The following NOX5 variants were observed in gnomAD, a reference collection of about 807,000 sequenced individuals.
NOX5 encodes the protein NADPH oxidase 5.
Under a neutral mutation model 85.7 loss-of-function variants are expected in NOX5, and 76 were observed. That is an observed-to-expected ratio of 0.89 (90% CI 0.74 to 1.07). The LOEUF is 1.07. NOX5 is among the 50% of genes least tolerant of loss of function. The pLI is 0.00. For missense variants in NOX5, 973 were observed against 999.5 expected (o/e 0.97, Z 0.36); for synonymous variants, 405 against 401.4 (o/e 1.01, Z -0.11).
chr15:69,018,106 G>T (rs1327383238), intron 1 of NOX5, among the ~76,000 whole-genome samples: 1 of 151,956 alleles, frequency 6.6e-6, no homozygotes, highest in Admixed American at 6.6e-5. Flanking sequence ...CCATGGACCG[G>T]ACCGCACTCA....
At chr15:69,016,751 G>GCACACACACACATA (rs1567090434) in intron 1 of NOX5, among the ~76,000 whole-genome samples, 1 of 151,714 alleles carries the variant, frequency 6.6e-6, no homozygotes, top group African/African-American at 2.4e-5. Flanking sequence ...AAGCATGCAT[G>GCACACACACACATA]CACACACACA....
At chr15:69,047,296 C>A in intron 11 of NOX5, 117 bp from the exon 12 acceptor site, 7 of 1,369,444 alleles carry the variant, frequency 5.1e-6, no homozygotes, top group Non-Finnish European at 6.8e-6. Context: ...GGCTTCCAGC[C>A]CAGGAGATGT....
At position 69,042,761 on chromosome 15, in the gene NOX5, C is replaced by T; in HGVS notation, c.1603C>T (p.Leu535=). ...CCCACTGGGCCGTGGTTCTAAGAGG[C>T]TGTCGAGGAGTGTGACAATGAGAAA... ...SDPLGRGSKR[L]SRSVTMRKSQ... is the part of the protein sequence containing the mutation. Residue 535 remains leucine, a synonymous_variant, in exon 10 of 16, where the codon CTG becomes TTG. Transcript: ENST00000388866. 6.2e-7 allele frequency: 1 copy of T among 1,614,172 alleles called. No individual in the cohort carries two copies. Among genetic ancestry groups the T allele is most frequent in the Non-Finnish European group, 8.5e-7 (1 of 1,180,022 alleles).
At position 69,056,583 on chromosome 15, in the gene NOX5, G is replaced by A. The variant is rs762503991; in HGVS notation, c.2185G>A (p.Ala729Thr). Reference sequence around the variant, plus strand: ...ACTCCAGGTGTTCCAGAAAGTGGCTGCTGAGAAGAAGGGCAAGGTGCAGGT... The same window carrying A: ...ACTCCAGGTGTTCCAGAAAGTGGCTACTGAGAAGAAGGGCAAGGTGCAGGT... ...DWSKVFQKVA[A>T]EKKGKVQVFF... The change falls in exon 16 of 16, where the codon GCT (alanine) becomes ACT (threonine). Residue 729 changes from alanine to threonine, a missense_variant. By Grantham distance (58) the Ala-to-Thr change is moderately conservative. Coordinates refer to ENST00000388866, the MANE Select transcript of NOX5 (RefSeq NM_024505.4). 69 of 1,613,200 alleles carry A rather than the reference G, an allele frequency of 4.3e-5. No individual in the cohort carries two copies. The African/African-American group carries it at 5.3e-4, about 12-fold the overall frequency.
rs200419456 is a variant in NOX5 at position 69,028,277 on chromosome 15, C to T, written c.237C>T (p.Leu79=). 2.3e-4 allele frequency: 371 copies of T among 1,613,468 alleles called. No homozygotes were observed. Among genetic ancestry groups the T allele is most frequent in the Non-Finnish European group, 2.9e-4 (340 of 1,179,754 alleles). The change falls in exon 3 of 16, where the codon CTC becomes CTT. Residue 79 remains leucine (L), a synonymous_variant. Coordinates refer to ENST00000388866, the MANE Select transcript of NOX5 (RefSeq NM_024505.4). ...CCGATAGAAGTGGCACCATCACCCT[C>T]CAGGAGCTGCAGGAGGCACTGACCC... ...FDSDRSGTIT[L]QELQEALTLL...
intron 3 of NOX5, chr15:69,028,991 A>G (rs2050395691): frequency 6.6e-6 from 1 of 152,236 alleles, no homozygotes; most frequent in Non-Finnish European, 1.5e-5. Flanking sequence ...TAAAATATAC[A>G]TAATGTAAAA....
chr15:69,032,954 G>A (rs1350447908), intron 4 of NOX5, 89 bp from the exon 5 acceptor site: 4 of 1,487,926 alleles, frequency 2.7e-6, no homozygotes, highest in Admixed American at 5.2e-5. Flanking sequence ...AGACTTGGTC[G>A]GCCATAGCTT....
In NOX5 at chr15:69,056,789, C is replaced by G. The variant is rs1475166518; in HGVS notation, c.*93C>G. The G allele has an allele frequency of 6.7e-7, 1 of 1,490,800 alleles. No individual in the cohort carries two copies. The highest frequency in any genetic ancestry group is 9.0e-7 in the Non-Finnish European group (1 of 1,106,074). The allele number at this position is 1,490,800 out of a possible 1,614,324, so 92.3% of individuals were successfully genotyped here. On this transcript the variant is annotated 3_prime_UTR_variant, in exon 16 of 16. Coordinates refer to ENST00000388866, the MANE Select transcript of NOX5 (RefSeq NM_024505.4). ...CCCCACAGGGACCAGCCTCAGATGACCCACCCAATAAGACAAAGCCTAGGG... is the reference window on the plus strand; with the variant it reads ...CCCCACAGGGACCAGCCTCAGATGAGCCACCCAATAAGACAAAGCCTAGGG...
Position 69,057,116 on chromosome 15 carries a change from A to T in NOX5, c.*420A>T, listed in dbSNP as rs2050822687. ...CTCCGGCATCTTATAAAATTGTTCA[A>T]ACCTACAAAAAGTGAGAAGAATCAT... On this transcript the variant is annotated 3_prime_UTR_variant, in exon 16 of 16. Transcript: ENST00000388866. 6.0e-6 allele frequency: 1 copy of T among 167,532 alleles called. No homozygotes were observed. Among genetic ancestry groups the T allele is most frequent in the Non-Finnish European group, 1.3e-5 (1 of 76,132 alleles). 10.4% of individuals were successfully genotyped at this position (167,532 alleles called of 1,614,324 possible).
chr15:69,017,560 A>G (rs757417377), intron 1 of NOX5, among the ~76,000 whole-genome samples: 12 of 152,130 alleles, frequency 7.9e-5, no homozygotes, highest in Non-Finnish European at 2.9e-5. Flanking sequence ...CAGCTGTCCC[A>G]CCTTTCCGGA....
chr15:69,047,764 C>T (rs1489185527), intron 12 of NOX5, 66 bp from the exon 13 acceptor site: 1 of 1,540,830 alleles, frequency 6.5e-7, no homozygotes, highest in South Asian at 1.1e-5. Context: ...GTCCCCTGAA[C>T]TGTTCTCTGG....
chr15:69,055,229 A>G (rs2050795837), intron 14 of NOX5, 105 bp from the exon 15 acceptor site: 3 of 1,256,624 alleles, frequency 2.4e-6, no homozygotes, highest in African/African-American at 1.5e-5. Context: ...CAAAAGACCT[A>G]TGGGTCTCCT....
At position 69,047,433 on chromosome 15, in the gene NOX5, T is replaced by G; in HGVS notation, c.1713T>G (p.Tyr571Ter). 6.2e-7 allele frequency: 1 copy of G among 1,613,812 alleles called. No homozygotes were observed. The highest frequency in any genetic ancestry group is 8.5e-7 in the Non-Finnish European group (1 of 1,179,934). Residue 571 changes from tyrosine (Y) to a stop codon, truncating the protein, a stop_gained, in exon 12 of 16, where the codon TAT (tyrosine) becomes TAG (stop). Transcript: ENST00000388866. LOFTEE classifies it high-confidence loss of function. ...CACAGTGCTACATCGATGGGCCTTA[T>G]GGGACCCCCACCCGCAGGATCTTTG... ...CNIKCYIDGP[Y>*]GTPTRRIFAS... is the part of the protein sequence containing the mutation.
At chr15:69,024,191 A>C (rs953415205) in intron 1 of NOX5, 1 of 152,200 alleles carries the variant, frequency 6.6e-6, no homozygotes, top group African/African-American at 2.4e-5. Context: ...TTTCCCTTTA[A>C]TTTACTATGA....
chr15:69,020,216 C>T (rs763162054), intron 1 of NOX5, among the ~76,000 whole-genome samples: 1 of 152,124 alleles, frequency 6.6e-6, no homozygotes, highest in Non-Finnish European at 1.5e-5. Context: ...GTGACCATTC[C>T]ATCATGCTTA....
rs2050210609 is a variant in NOX5 at position 69,014,711 on chromosome 15, C to A, written c.-25C>A. On this transcript the variant is annotated 5_prime_UTR_variant, in exon 1 of 16. Transcript: ENST00000388866. ...TCAATGGACAGCAGTCTTTCTGGGA[C>A]CTGTGATCTAGAAGACAGGAGAAGA... 1 of 1,550,304 alleles carries A rather than the reference C, an allele frequency of 6.5e-7. No individual in the cohort carries two copies. The highest frequency in any genetic ancestry group is 2.0e-5 in the Admixed American group (1 of 50,976).
rs549409784 is a variant in NOX5, at chr15:69,037,150, A to G, written c.1311A>G (p.Gly437=). The G allele has an allele frequency of 6.2e-7, 1 of 1,613,980 alleles. No individual in the cohort carries two copies. The highest frequency in any genetic ancestry group is 8.5e-7 in the Non-Finnish European group (1 of 1,180,018). ...TGTTTTTCCTGGAGAAGGCCATCGG[A>G]CTGGCAGTGTCCCGCATGGCAGCCG... ...GILFFLEKAI[G]LAVSRMAAVC... is the part of the protein sequence containing the mutation. Residue 437 remains glycine (G), a synonymous_variant, in exon 8 of 16, where the codon GGA becomes GGG. Coordinates refer to ENST00000388866, the MANE Select transcript of NOX5 (RefSeq NM_024505.4).
At position 69,061,583 on chromosome 15, in the gene NOX5, T is replaced by G. The variant is rs1240109138; in HGVS notation, c.*4887T>G. The G allele has an allele frequency of 6.6e-6, 1 of 152,226 alleles. No homozygotes were observed. The highest frequency in any genetic ancestry group is 1.5e-5 in the Non-Finnish European group (1 of 68,046). The allele number at this position is 152,226 out of a possible 1,614,324, so 9.4% of individuals were successfully genotyped here. On this transcript the variant is annotated 3_prime_UTR_variant, in exon 16 of 16. Transcript: ENST00000388866. ...TATGATGACTCTCTCCTTTTAAAAA[T>G]AAGATTAATTCAGACAAGACATTTA...
At chr15:69,049,865 C>T (rs1047998525) in intron 14 of NOX5, among the ~76,000 whole-genome samples, 1 of 152,148 alleles carries the variant, frequency 6.6e-6, no homozygotes, top group Non-Finnish European at 1.5e-5. Context: ...TTTAAGCGTA[C>T]AATAAATACA....
Sources: gnomAD v4.1 joint callset for allele counts (sites outside exome capture counted in the v4.1 genomes callset) on GRCh38, gnomAD v4.1.1 for gene constraint, MANE v1.5 for transcripts, NCBI Gene and HGNC (gene_info 2026-07-23, HGNC 2026-07-21) for gene names.